IMMP2L: variants seen among roughly 807,000 people sequenced by gnomAD.
IMMP2L encodes the protein inner mitochondrial membrane peptidase subunit 2, also known as mitochondrial inner membrane protease subunit 2.
In IMMP2L, 18 loss-of-function variants were observed where a neutral mutation model predicts 19.3. That is an observed-to-expected ratio of 0.93 (90% CI 0.64 to 1.38). The LOEUF (loss-of-function observed/expected upper bound fraction) is 1.38. IMMP2L is among the 40% of genes most tolerant of loss of function. The pLI, the probability that IMMP2L is intolerant of heterozygous loss-of-function variation, is 0.00. For synonymous variants in IMMP2L, 76 were observed against 73.0 expected (o/e 1.04, Z -0.21); for missense variants, 233 against 218.2 (o/e 1.07, Z -0.43).
chr7:111,515,760 C>T (rs1269786551), intron 2 of IMMP2L, among the ~76,000 whole-genome samples: 1 of 152,016 alleles, frequency 6.6e-6, no homozygotes, highest in African/African-American at 2.4e-5. Flanking sequence ...ATAAGAGAAA[C>T]GTATCTTCCA....
chr7:110,694,933 C>T (rs984459102), intron 5 of IMMP2L, among the ~76,000 whole-genome samples: 3 of 151,824 alleles, frequency 2.0e-5, no homozygotes, highest in Non-Finnish European at 4.4e-5. Flanking sequence ...ACCTTGAAAG[C>T]GTCGTGTTAA....
intron 3 of IMMP2L, among the ~76,000 whole-genome samples, chr7:111,296,430 C>T (rs1338886384): frequency 6.6e-6 from 1 of 151,698 alleles, no homozygotes; most frequent in Non-Finnish European, 1.5e-5. Flanking sequence ...CAAAGATGTT[C>T]AACATCACTA....
intron 3 of IMMP2L, among the ~76,000 whole-genome samples, chr7:111,107,745 T>C (rs1351285604): frequency 6.6e-6 from 1 of 152,128 alleles, no homozygotes; most frequent in Non-Finnish European, 1.5e-5. Flanking sequence ...AATAATTTTG[T>C]TGGCTAATAA....
intron 3 of IMMP2L, among the ~76,000 whole-genome samples, chr7:111,379,719 C>G (rs1011143125): frequency 1.3e-5 from 2 of 151,762 alleles, no homozygotes; most frequent in Non-Finnish European, 2.9e-5. Flanking sequence ...TTATCAAACT[C>G]TAAATAACAA....
chr7:111,078,352 T>A (rs1426562012), intron 3 of IMMP2L, among the ~76,000 whole-genome samples: 1 of 152,174 alleles, frequency 6.6e-6, no homozygotes, highest in African/African-American at 2.4e-5. Context: ...TCAGGAGTCT[T>A]GGAATGCCTC....
intron 5 of IMMP2L, among the ~76,000 whole-genome samples, chr7:110,850,929 G>T (rs1336256628): frequency 6.6e-6 from 1 of 151,500 alleles, no homozygotes; most frequent in African/African-American, 2.4e-5. Context: ...AGCCAAAAAA[G>T]ACATGGAAAA....
intron 3 of IMMP2L, among the ~76,000 whole-genome samples, chr7:111,443,096 C>T (rs1432720293): frequency 1.3e-5 from 2 of 151,778 alleles, no homozygotes; most frequent in African/African-American, 2.4e-5. Flanking sequence ...AGTAAAAATA[C>T]ACACACATAA....
chr7:110,690,901 C>G (rs1399715724), intron 5 of IMMP2L, among the ~76,000 whole-genome samples: 1 of 151,968 alleles, frequency 6.6e-6, no homozygotes, highest in Non-Finnish European at 1.5e-5. Context: ...CTGCCCAAAG[C>G]AATCTACAGA....
rs190341644 is a variant in IMMP2L at position 111,480,788 on chromosome 7, C to T, written c.239+6450G>A. Among the ~76,000 whole-genome samples the T allele has an allele frequency of 1.4e-3, 207 of 152,154 alleles. 1 individual carries two copies. The highest frequency in any genetic ancestry group is 4.6e-3 in the African/African-American group (191 of 41,510). The stretch of plus-strand genomic sequence containing the variant: ...TACAGATAGAACAGATAAGTATACA[C>T]AATTATATTTTCCCAGCTCAATTGA... On this transcript the variant is annotated intron_variant, in intron 3 of 5. Transcript: ENST00000405709.
chr7:111,173,035 A>G (rs962945076), intron 3 of IMMP2L, among the ~76,000 whole-genome samples: 1 of 151,606 alleles, frequency 6.6e-6, no homozygotes, highest in Non-Finnish European at 1.5e-5. Flanking sequence ...TGAACAATAC[A>G]TGAAGTCAGT....
intron 3 of IMMP2L, among the ~76,000 whole-genome samples, chr7:111,177,033 G>A (rs1807144621): frequency 6.6e-6 from 1 of 151,500 alleles, no homozygotes; most frequent in African/African-American, 2.4e-5. Flanking sequence ...AAATGTTGAT[G>A]AAAAAAAAGA....
intron 3 of IMMP2L, among the ~76,000 whole-genome samples, chr7:111,467,955 G>T (rs1482894504): frequency 6.6e-6 from 1 of 152,092 alleles, no homozygotes; most frequent in East Asian, 1.9e-4. Context: ...TGGCTAAGAA[G>T]AAAAATATGT....
chr7:111,179,913 A>C (rs954529651), intron 3 of IMMP2L, among the ~76,000 whole-genome samples: 1 of 151,846 alleles, frequency 6.6e-6, no homozygotes, highest in African/African-American at 2.4e-5. Flanking sequence ...GGAATGAACT[A>C]ACTTTTGCTA....
intron 3 of IMMP2L, among the ~76,000 whole-genome samples, chr7:111,313,188 A>G (rs1216051302): frequency 6.6e-6 from 1 of 152,148 alleles, no homozygotes; most frequent in African/African-American, 2.4e-5. Flanking sequence ...CACAGCCACC[A>G]GAGGTCACCT....
At chr7:110,900,713 C>T (rs965918229) in intron 4 of IMMP2L, among the ~76,000 whole-genome samples, 9 of 152,274 alleles carry the variant, frequency 5.9e-5, no homozygotes, top group Middle Eastern at 3.4e-3. Flanking sequence ...GTCCATTTTA[C>T]GATGTTGAGT....
At chr7:110,718,447 A>G (rs1341963625) in intron 5 of IMMP2L, among the ~76,000 whole-genome samples, 1 of 152,164 alleles carries the variant, frequency 6.6e-6, no homozygotes, top group Non-Finnish European at 1.5e-5. Context: ...AGTTGCTTGC[A>G]CTAATCTTCT....
At chr7:111,455,146 C>A (rs1044659082) in intron 3 of IMMP2L, among the ~76,000 whole-genome samples, 15 of 151,646 alleles carry the variant, frequency 9.9e-5, no homozygotes, top group African/African-American at 3.6e-4. Flanking sequence ...CAATTCTTTT[C>A]CATAAAAATG....
chr7:110,871,388 A>G (rs1808523315), intron 5 of IMMP2L, among the ~76,000 whole-genome samples: 1 of 152,110 alleles, frequency 6.6e-6, no homozygotes, highest in South Asian at 2.1e-4. Context: ...GGGGCATGCC[A>G]AAATTTAGAA....
intron 2 of IMMP2L, among the ~76,000 whole-genome samples, chr7:111,497,039 T>C (rs1042679656): frequency 4.6e-5 from 7 of 152,112 alleles, no homozygotes; most frequent in African/African-American, 1.4e-4. Flanking sequence ...ATTAATAAAA[T>C]AAAAGTGAAC....
Sources: allele counts gnomAD v4.1 joint callset (sites outside exome capture counted in the v4.1 genomes callset), GRCh38; gene constraint gnomAD v4.1.1; transcripts MANE v1.5; gene names NCBI Gene and HGNC (gene_info 2026-07-23, HGNC 2026-07-21).